IRAK3: variants seen among roughly 807,000 people sequenced by gnomAD.
The protein encoded by IRAK3 is interleukin 1 receptor associated kinase 3.
A neutral mutation model predicts 56.6 loss-of-function variants in IRAK3; 57 were observed. The observed-to-expected ratio is 1.01, with a 90% CI of 0.81 to 1.26. The LOEUF is 1.26. Among genes scored for constraint, IRAK3 ranks in the 50% most tolerant of loss-of-function variants. The probability of loss-of-function intolerance (pLI) is 0.00; values close to 1 mark genes in which losing one functional copy is unlikely to be tolerated. For synonymous variants in IRAK3, 258 were observed against 255.7 expected, an observed-to-expected ratio of 1.01 and a Z score of -0.09; for missense variants, 703 against 719.0, an observed-to-expected ratio of 0.98 and a Z score of 0.25.
chr12:66,233,177 A>G (rs1379121465), intron 8 of IRAK3, among the ~76,000 whole-genome samples: 1 of 152,164 alleles, frequency 6.6e-6, no homozygotes, highest in African/African-American at 2.4e-5. Flanking sequence ...AAAAGAGTTA[A>G]GGCAAATTGG....
intron 1 of IRAK3, chr12:66,197,587 G>T (rs935833418): frequency 1.0e-6 from 1 of 985,318 alleles, no homozygotes; most frequent in Non-Finnish European, 1.2e-6. Flanking sequence ...TTCATTTCCA[G>T]TCCGGAAGCA....
intron 1 of IRAK3, among the ~76,000 whole-genome samples, chr12:66,190,496 C>T (rs1310031045): frequency 1.3e-5 from 2 of 152,014 alleles, no homozygotes; most frequent in Non-Finnish European, 2.9e-5. Flanking sequence ...TGGATTTTGG[C>T]GTGGACAGTA....
chr12:66,225,773 C>G (rs1437720834), intron 6 of IRAK3, among the ~76,000 whole-genome samples: 3 of 151,812 alleles, frequency 2.0e-5, no homozygotes, highest in Non-Finnish European at 4.4e-5. Context: ...GAAATGCATA[C>G]TACACTGACA....
At position 66,210,313 on chromosome 12, in the gene IRAK3, C is replaced by G. The variant is rs540792858; in HGVS notation, c.436+112C>G. ...CACAATAATCATTTATATTCAAATT[C>G]GGTATAAAATTTCATAGATATTAAA... is the stretch of plus-strand genomic sequence containing the variant. On this transcript the variant is annotated intron_variant, in intron 4 of 11. Coordinates refer to ENST00000261233, the MANE Select transcript of IRAK3 (RefSeq NM_007199.3). 3 of 677,356 alleles carry G rather than the reference C, an allele frequency of 4.4e-6. No individual in the cohort carries two copies. The African/African-American group carries it at 5.5e-5, about 12-fold the overall frequency. 42.0% of individuals were successfully genotyped at this position (677,356 alleles called of 1,614,324 possible).
chr12:66,189,528 G>A (rs2052379441), intron 1 of IRAK3, 96 bp downstream of exon 1: 1 of 873,880 alleles, frequency 1.1e-6, no homozygotes, highest in Non-Finnish European at 1.4e-6. Flanking sequence ...CCCTCGCGGG[G>A]CTGGCGCGGC....
intron 11 of IRAK3, among the ~76,000 whole-genome samples, chr12:66,247,280 AAAAC>A (rs199749350): frequency 0.04 from 6,087 of 151,680 alleles, 389 homozygotes; most frequent in African/African-American, 0.14. Flanking sequence ...AAAAAAAAAC[AAAAC>A]AAACAAACAA....
intron 11 of IRAK3, among the ~76,000 whole-genome samples, chr12:66,245,761 A>G (rs1320223440): frequency 6.6e-6 from 1 of 151,888 alleles, no homozygotes; most frequent in Non-Finnish European, 1.5e-5. Context: ...CGAACTCCTG[A>G]CCTCAAGTGA....
chr12:66,203,682 A>AT (rs778859177), intron 1 of IRAK3, 29 bp from the exon 2 acceptor site: 1 of 1,605,380 alleles, frequency 6.2e-7, no homozygotes, highest in East Asian at 2.2e-5. Context: ...ACAGTAAACA[A>AT]TTCTTTGTTT....
rs1446464839 is a variant in IRAK3 at position 66,245,186 on chromosome 12, A to G, written c.1238A>G (p.Asn413Ser). 1.9e-6 allele frequency: 3 copies of G among 1,614,124 alleles called. No individual in the cohort carries two copies. Among genetic ancestry groups the G allele is most frequent in the South Asian group, 1.1e-5 (1 of 91,084 alleles). The change falls in exon 11 of 12, where the codon AAT becomes AGT. Residue 413 changes from asparagine (N) to serine (S), a missense_variant. Physicochemically the swap from Asn to Ser is conservative, Grantham distance 46. Transcript: ENST00000261233. ...LDKKVPPCPR[N>S]FSAKLFCLAG... ...AAGAAAGTGCCTCCCTGCCCTCGGA[A>G]TTTCTCTGCCAAGCTCTTCTGTTTG...
At chr12:66,215,801 C>T (rs1330660225) in intron 5 of IRAK3, among the ~76,000 whole-genome samples, 1 of 151,306 alleles carries the variant, frequency 6.6e-6, no homozygotes, top group Non-Finnish European at 1.5e-5. Flanking sequence ...CACACACACA[C>T]ACACACACAC....
chr12:66,230,446 G>A (rs2052832698), intron 8 of IRAK3, among the ~76,000 whole-genome samples: 1 of 152,188 alleles, frequency 6.6e-6, no homozygotes, highest in African/African-American at 2.4e-5. Flanking sequence ...CTGAAGCTGG[G>A]GTGGCGCATC....
At chr12:66,225,920 A>G (rs1285305867) in intron 6 of IRAK3, among the ~76,000 whole-genome samples, 1 of 152,222 alleles carries the variant, frequency 6.6e-6, no homozygotes, top group African/African-American at 2.4e-5. Context: ...CTAGCACAGT[A>G]CCTGACATAG....
At chr12:66,234,772 A>G in intron 8 of IRAK3, 1 of 1,594,782 alleles carries the variant, frequency 6.3e-7, no homozygotes, top group South Asian at 1.1e-5. Context: ...CACTGGCATC[A>G]CGTAGTATCC....
At position 66,211,452 on chromosome 12, in the gene IRAK3, T is replaced by A. The variant is rs556626340; in HGVS notation, c.443T>A (p.Leu148Gln). ...LIPEHNEKGI[L>Q]LKSSISFQNI... ...CCCTACTTTCCTTCCTAAGGAATAC[T>A]GCTTAAATCTTCCATCAGCTTTCAA... Residue 148 changes from leucine to glutamine, a missense_variant, in exon 5 of 12, where the codon CTG becomes CAG. Leu to Gln is a moderately radical substitution (Grantham distance 113). Coordinates refer to ENST00000261233, the MANE Select transcript of IRAK3 (RefSeq NM_007199.3). 2.5e-6 allele frequency: 4 copies of A among 1,596,046 alleles called. No individual in the cohort carries two copies. The East Asian group carries it at 8.9e-5, about 36-fold the overall frequency.
intron 8 of IRAK3, among the ~76,000 whole-genome samples, chr12:66,233,447 G>T (rs528159520): frequency 6.6e-6 from 1 of 152,046 alleles, no homozygotes; most frequent in Admixed American, 6.6e-5. Flanking sequence ...GAACCCGGGA[G>T]GCGGAGCTTG....
intron 1 of IRAK3, among the ~76,000 whole-genome samples, chr12:66,200,778 G>C (rs2052499485): frequency 6.6e-6 from 1 of 152,058 alleles, no homozygotes; most frequent in African/African-American, 2.4e-5. Flanking sequence ...AACTCCCTAA[G>C]AAATTAATGA....
chr12:66,191,990 C>A (rs1047605336), intron 1 of IRAK3, among the ~76,000 whole-genome samples: 2 of 152,162 alleles, frequency 1.3e-5, no homozygotes, highest in African/African-American at 4.8e-5. Context: ...ATAAGGTAAG[C>A]CAGTCATTCA....
At chr12:66,200,773 C>T (rs1242050733) in intron 1 of IRAK3, among the ~76,000 whole-genome samples, 1 of 151,974 alleles carries the variant, frequency 6.6e-6, no homozygotes, top group Non-Finnish European at 1.5e-5. Context: ...GTAGAAACTC[C>T]CTAAGAAATT....
At chr12:66,189,523 GC>G in intron 1 of IRAK3, 91 bp downstream of exon 1, 1 of 906,168 alleles carries the variant, frequency 1.1e-6, no homozygotes, top group Non-Finnish European at 1.4e-6. Flanking sequence ...GGGGTCCCTC[GC>G]GGGGCTGGCG....
Sources: gnomAD v4.1 joint callset for allele counts (sites outside exome capture counted in the v4.1 genomes callset) on GRCh38, gnomAD v4.1.1 for gene constraint, MANE v1.5 for transcripts, NCBI Gene and HGNC (gene_info 2026-07-23, HGNC 2026-07-21) for gene names.